The following IPCEF1 variants were observed in gnomAD, a reference collection of about 807,000 sequenced individuals.
IPCEF1 encodes interactor protein for cytohesin exchange factors 1.
In IPCEF1, 31 loss-of-function variants were observed where a neutral mutation model predicts 50.9. The observed-to-expected ratio is 0.61, with a 90% CI of 0.46 to 0.82. IPCEF1 has a LOEUF of 0.82. Among genes scored for constraint, IPCEF1 ranks in the 40% least tolerant of loss-of-function variants. IPCEF1 has a pLI of 0.00. For missense variants in IPCEF1, 458 were observed against 514.0 expected, an observed-to-expected ratio of 0.89 and a Z score of 1.05; for synonymous variants, 181 against 192.0, an observed-to-expected ratio of 0.94 and a Z score of 0.47.
At chr6:154,255,924 C>A (rs184391465) in intron 3 of IPCEF1, among the ~76,000 whole-genome samples, 1 of 152,102 alleles carries the variant, frequency 6.6e-6, no homozygotes, top group African/African-American at 2.4e-5. Flanking sequence ...TTAAAAGTTT[C>A]TTTGAACCTC....
intron 3 of IPCEF1, 108 bp downstream of exon 3, chr6:154,265,804 G>A (rs1298079140): frequency 1.3e-6 from 1 of 764,346 alleles, no homozygotes. Context: ...TGTGGCTAAT[G>A]AAATTGAGGA....
intron 2 of IPCEF1, among the ~76,000 whole-genome samples, chr6:154,276,373 C>T (rs1405346045): frequency 6.6e-6 from 1 of 151,798 alleles, no homozygotes; most frequent in South Asian, 2.1e-4. Flanking sequence ...TTGCAAAGGT[C>T]GTGCCCAAGG....
At chr6:154,308,930 G>A (rs59356861) in intron 1 of IPCEF1, among the ~76,000 whole-genome samples, 14 of 152,184 alleles carry the variant, frequency 9.2e-5, no homozygotes, top group African/African-American at 2.4e-4. Flanking sequence ...CACAAGGACC[G>A]TCTGCTAAAA....
chr6:154,347,487 C>T (rs898990992), intron 1 of IPCEF1, among the ~76,000 whole-genome samples: 3 of 152,188 alleles, frequency 2.0e-5, no homozygotes, highest in African/African-American at 7.2e-5. Context: ...CCTTTAACAC[C>T]GTCCCTTGCA....
intron 5 of IPCEF1, among the ~76,000 whole-genome samples, chr6:154,243,630 C>T (rs1304797085): frequency 6.6e-6 from 1 of 152,224 alleles, no homozygotes; most frequent in Non-Finnish European, 1.5e-5. Flanking sequence ...CCCTAAATTT[C>T]ATTTCCAGAG....
intron 10 of IPCEF1, among the ~76,000 whole-genome samples, chr6:154,179,037 G>C (rs1320373785): frequency 1.3e-5 from 2 of 152,226 alleles, no homozygotes; most frequent in Non-Finnish European, 2.9e-5. Flanking sequence ...CTGTGCCCCA[G>C]GTCCACGACC....
chr6:154,297,971 C>T (rs1398614060), intron 1 of IPCEF1, among the ~76,000 whole-genome samples: 1 of 152,142 alleles, frequency 6.6e-6, no homozygotes, highest in Non-Finnish European at 1.5e-5. Flanking sequence ...AGCTGTTGAG[C>T]GTGAGGTCCC....
At chr6:154,275,428 C>T (rs1782031645) in intron 2 of IPCEF1, among the ~76,000 whole-genome samples, 2 of 152,272 alleles carry the variant, frequency 1.3e-5, no homozygotes, top group South Asian at 4.1e-4. Context: ...CTAGGGTATC[C>T]CCCGAATAAC....
intron 9 of IPCEF1, among the ~76,000 whole-genome samples, chr6:154,206,675 C>T (rs1777520172): frequency 6.6e-6 from 1 of 152,150 alleles, no homozygotes; most frequent in African/African-American, 2.4e-5. Flanking sequence ...ATTACCCTGA[C>T]CTAGAGGACT....
chr6:154,355,488 T>C (rs1445126244), intron 1 of IPCEF1, among the ~76,000 whole-genome samples: 1 of 138,176 alleles, frequency 7.2e-6, no homozygotes, highest in Admixed American at 7.8e-5. Flanking sequence ...TTTTCTTTCT[T>C]TCTTTCTTTT....
In IPCEF1 at chr6:154,239,286, A is replaced by G. The variant is rs529574641; in HGVS notation, c.246+7305T>C. On this transcript the variant is annotated intron_variant, in intron 5 of 11. Coordinates refer to ENST00000367220, the MANE Select transcript of IPCEF1 (RefSeq NM_001130700.2). ...CCCAACTACAGATAATGTGGCCATAAAGCTATGACAGGGGAACCATTATTT... is the reference window on the plus strand; with the variant it reads ...CCCAACTACAGATAATGTGGCCATAGAGCTATGACAGGGGAACCATTATTT... Among the ~76,000 whole-genome samples the G allele has an allele frequency of 7.2e-5, 11 of 152,360 alleles. No homozygotes were observed. In the South Asian group the frequency reaches 2.1e-3, roughly 29 times the overall value.
intron 5 of IPCEF1, among the ~76,000 whole-genome samples, chr6:154,228,376 T>TA (rs1779436932): frequency 6.6e-6 from 1 of 152,116 alleles, no homozygotes; most frequent in South Asian, 2.1e-4. Flanking sequence ...CCTGATGTAA[T>TA]AAAAAACTTG....
At chr6:154,186,874 A>G (rs1479987275) in intron 10 of IPCEF1, among the ~76,000 whole-genome samples, 1 of 151,942 alleles carries the variant, frequency 6.6e-6, no homozygotes, top group Non-Finnish European at 1.5e-5. Flanking sequence ...CTCTTTTCAA[A>G]TTTCAGTGAG....
At chr6:154,218,769 C>CA (rs1214880186) in intron 7 of IPCEF1, among the ~76,000 whole-genome samples, 2 of 152,160 alleles carry the variant, frequency 1.3e-5, no homozygotes, top group African/African-American at 4.8e-5. Flanking sequence ...CAGGCCCAGA[C>CA]AAAATGGACC....
At chr6:154,337,528 C>T (rs572308901) in intron 1 of IPCEF1, among the ~76,000 whole-genome samples, 2 of 152,264 alleles carry the variant, frequency 1.3e-5, no homozygotes, top group Non-Finnish European at 2.9e-5. Flanking sequence ...GGAGACAAGA[C>T]ACAAGTTACA....
intron 5 of IPCEF1, among the ~76,000 whole-genome samples, chr6:154,231,689 C>T (rs971175310): frequency 1.3e-5 from 2 of 151,814 alleles, no homozygotes; most frequent in African/African-American, 2.4e-5. Flanking sequence ...GCTGTATTTG[C>T]GAAAAGAAAC....
At chr6:154,264,087 T>C (rs1781688040) in intron 3 of IPCEF1, among the ~76,000 whole-genome samples, 1 of 151,630 alleles carries the variant, frequency 6.6e-6, no homozygotes, top group African/African-American at 2.4e-5. Flanking sequence ...CCACATTGAT[T>C]CTCTTATTTG....
At chr6:154,208,950 C>T (rs1472156489) in intron 9 of IPCEF1, among the ~76,000 whole-genome samples, 1 of 152,162 alleles carries the variant, frequency 6.6e-6, no homozygotes, top group African/African-American at 2.4e-5. Context: ...GATGTTCTTT[C>T]CACTATCAAC....
intron 10 of IPCEF1, among the ~76,000 whole-genome samples, chr6:154,186,511 C>T (rs1801361147): frequency 6.6e-6 from 1 of 152,186 alleles, no homozygotes; most frequent in African/African-American, 2.4e-5. Flanking sequence ...TTCGCAGATG[C>T]TCCCTCATGT....
Sources: allele counts gnomAD v4.1 joint callset (sites outside exome capture counted in the v4.1 genomes callset), GRCh38; gene constraint gnomAD v4.1.1; transcripts MANE v1.5; gene names NCBI Gene and HGNC (gene_info 2026-07-23, HGNC 2026-07-21).